SNTG1: variants seen among roughly 807,000 people sequenced by gnomAD.
The protein encoded by SNTG1 is gamma-1-syntrophin.
A neutral mutation model predicts 74.7 loss-of-function variants in SNTG1; 39 were observed. The observed-to-expected ratio is 0.52, with a 90% CI of 0.40 to 0.68. The LOEUF (loss-of-function observed/expected upper bound fraction) is 0.68, where lower values mean the gene tolerates loss of function less well. Ranked by LOEUF, SNTG1 falls within the 30% of genes least tolerant of loss-of-function variation. The pLI, the probability that SNTG1 is intolerant of heterozygous loss-of-function variation, is 0.00. For missense variants in SNTG1, 685 were observed against 609.5 expected (o/e 1.12, Z -1.30); for synonymous variants, 254 against 217.1 (o/e 1.17, Z -1.49).
intron 12 of SNTG1, among the ~76,000 whole-genome samples, chr8:50,555,734 G>A (rs1308091741): frequency 6.6e-6 from 1 of 151,918 alleles, no homozygotes; most frequent in Non-Finnish European, 1.5e-5. Context: ...AGATTATCAG[G>A]CATAAAATAA....
chr8:50,519,191 C>A (rs1051023105), intron 9 of SNTG1, among the ~76,000 whole-genome samples: 8 of 152,116 alleles, frequency 5.3e-5, no homozygotes, highest in Non-Finnish European at 1.0e-4. Context: ...TAAACAGAAC[C>A]AATGACAAAA....
rs577833091 is a variant in SNTG1 at position 50,123,858 on chromosome 8, G to A, written c.-102-48703G>A. The stretch of plus-strand genomic sequence containing the variant: ...TAAGTGATGTGCCCAAGTCCATACA[G>A]GTAGTAAGTAGCAGGGCTTGGAGTC... On this transcript the variant is annotated intron_variant, in intron 1 of 18. Coordinates refer to ENST00000642720, the MANE Select transcript of SNTG1 (RefSeq NM_018967.5). 6.3e-5 allele frequency among the ~76,000 whole-genome samples: 9 copies of A among 142,450 alleles called. 1 individual carries two copies. Among genetic ancestry groups the A allele is most frequent in the African/African-American group, 2.0e-4 (8 of 39,450 alleles). 93.5% of individuals were successfully genotyped at this position (142,450 alleles called of 152,430 possible).
chr8:50,226,689 C>T (rs961729495), intron 2 of SNTG1, among the ~76,000 whole-genome samples: 21 of 152,088 alleles, frequency 1.4e-4, no homozygotes, highest in African/African-American at 3.4e-4. Context: ...TGGGTTGTCA[C>T]CTTTCTGAAC....
intron 4 of SNTG1, among the ~76,000 whole-genome samples, chr8:50,421,834 C>G (rs2093091847): frequency 6.6e-6 from 1 of 152,084 alleles, no homozygotes; most frequent in East Asian, 1.9e-4. Context: ...AATGAAGACT[C>G]AACTTTTCAG....
chr8:49,990,585 T>C (rs1813585408), intron 1 of SNTG1, among the ~76,000 whole-genome samples: 1 of 152,028 alleles, frequency 6.6e-6, no homozygotes, highest in Non-Finnish European at 1.5e-5. Flanking sequence ...AAAATCAAAA[T>C]GGTGTAATAT....
At chr8:50,002,351 G>A (rs1455551546) in intron 1 of SNTG1, among the ~76,000 whole-genome samples, 1 of 151,982 alleles carries the variant, frequency 6.6e-6, no homozygotes, top group Non-Finnish European at 1.5e-5. Context: ...TCTTCTAGAA[G>A]ATAAGAGTGG....
intron 1 of SNTG1, among the ~76,000 whole-genome samples, chr8:49,996,875 G>A (rs552433752): frequency 1.3e-5 from 2 of 152,122 alleles, no homozygotes; most frequent in African/African-American, 4.8e-5. Flanking sequence ...TGGCAATCCT[G>A]GAATAATTAT....
At chr8:50,585,014 A>T (rs1353623564) in intron 12 of SNTG1, among the ~76,000 whole-genome samples, 1 of 152,122 alleles carries the variant, frequency 6.6e-6, no homozygotes, top group Non-Finnish European at 1.5e-5. Flanking sequence ...AGGGGCAGGC[A>T]TTGGCTCTGG....
chr8:50,363,945 G>T (rs1023963895), intron 2 of SNTG1, among the ~76,000 whole-genome samples: 1 of 152,110 alleles, frequency 6.6e-6, no homozygotes, highest in East Asian at 1.9e-4. Flanking sequence ...AAGCCAGATG[G>T]CAGAGATACA....
chr8:50,274,532 T>C (rs916553545), intron 2 of SNTG1, among the ~76,000 whole-genome samples: 3 of 152,192 alleles, frequency 2.0e-5, no homozygotes, highest in African/African-American at 7.2e-5. Context: ...ATTTGTATAT[T>C]TTAAAATTTC....
At chr8:50,037,454 G>A (rs377424285) in intron 1 of SNTG1, among the ~76,000 whole-genome samples, 13 of 152,264 alleles carry the variant, frequency 8.5e-5, no homozygotes, top group East Asian at 1.9e-4. Context: ...TGGTTCACTC[G>A]TGCTCCCTAA....
intron 14 of SNTG1, among the ~76,000 whole-genome samples, chr8:50,657,646 A>AC (rs2095191666): frequency 6.6e-6 from 1 of 152,170 alleles, no homozygotes; most frequent in South Asian, 2.1e-4. Context: ...CAACATTTAA[A>AC]TTAGAGGATT....
intron 2 of SNTG1, among the ~76,000 whole-genome samples, chr8:50,383,408 G>T (rs894284053): frequency 6.6e-6 from 1 of 152,098 alleles, no homozygotes; most frequent in Non-Finnish European, 1.5e-5. Flanking sequence ...AAGAAGGGAA[G>T]AAAACAAAGA....
chr8:50,358,077 A>C (rs1355845542), intron 2 of SNTG1, among the ~76,000 whole-genome samples: 1 of 152,086 alleles, frequency 6.6e-6, no homozygotes, highest in African/African-American at 2.4e-5. Context: ...ATCTCTTCCA[A>C]ATATTGATTG....
intron 2 of SNTG1, among the ~76,000 whole-genome samples, chr8:50,316,088 C>G (rs530428674): frequency 6.6e-6 from 1 of 152,236 alleles, no homozygotes; most frequent in South Asian, 2.1e-4. Context: ...TAATTAACAT[C>G]ATTATTCTTT....
At chr8:50,118,636 G>T (rs2080903936) in intron 1 of SNTG1, among the ~76,000 whole-genome samples, 1 of 142,878 alleles carries the variant, frequency 7.0e-6, no homozygotes, top group Admixed American at 7.2e-5. Context: ...GGACCCCAAA[G>T]AATCCTGAGA....
chr8:50,613,127 TG>T (rs1324348276), intron 13 of SNTG1, among the ~76,000 whole-genome samples: 1 of 152,120 alleles, frequency 6.6e-6, no homozygotes, highest in Non-Finnish European at 1.5e-5. Context: ...ATAGAAACAT[TG>T]CAAAGTTTAT....
At chr8:50,006,481 CT>C (rs1815251465) in intron 1 of SNTG1, among the ~76,000 whole-genome samples, 1 of 152,138 alleles carries the variant, frequency 6.6e-6, no homozygotes, top group South Asian at 2.1e-4. Flanking sequence ...ATAACACATA[CT>C]TTTTAATTGT....
chr8:50,389,146 T>C (rs1011293896), intron 2 of SNTG1, among the ~76,000 whole-genome samples: 6 of 152,098 alleles, frequency 3.9e-5, no homozygotes, highest in African/African-American at 1.2e-4. Flanking sequence ...TATGGTCATT[T>C]CTCCCCACCC....
Sources: gnomAD v4.1 joint callset for allele counts (sites outside exome capture counted in the v4.1 genomes callset) on GRCh38, gnomAD v4.1.1 for gene constraint, MANE v1.5 for transcripts, NCBI Gene and HGNC (gene_info 2026-07-23, HGNC 2026-07-21) for gene names.